The following SLFN12L variants were observed in gnomAD, a reference collection of about 807,000 sequenced individuals.
SLFN12L encodes schlafen family member 12 like, also known as schlafen family member 12-like.
Under a neutral mutation model 34.8 loss-of-function variants are expected in SLFN12L, and 34 were observed. That is an observed-to-expected ratio of 0.98 (90% CI 0.74 to 1.30). SLFN12L has a LOEUF of 1.30. Among genes scored for constraint, SLFN12L ranks in the 50% most tolerant of loss-of-function variants. SLFN12L has a pLI of 0.00. For synonymous variants in SLFN12L, 259 were observed against 247.5 expected, an observed-to-expected ratio of 1.05 and a Z score of -0.44; for missense variants, 703 against 696.2, an observed-to-expected ratio of 1.01 and a Z score of -0.11.
In SLFN12L at chr17:35,474,079, T is replaced by C. The variant is rs1445422084; in HGVS notation, c.*844A>G. The C allele has an allele frequency of 6.6e-6, 1 of 152,172 alleles. No homozygotes were observed. 9.4% of individuals were successfully genotyped at this position (152,172 alleles called of 1,614,324 possible). A position where few individuals can be genotyped will look rare whatever the true frequency, so the allele number is the denominator to read the frequency against. On this transcript the variant is annotated 3_prime_UTR_variant, in exon 5 of 5. Transcript: ENST00000628453. The stretch of plus-strand genomic sequence containing the variant: ...GACTACATGTGTGTGCCACCACACT[T>C]GGCTAATTTTTATATTTTTAGTAGA...
In SLFN12L at chr17:35,522,263, A is replaced by G. The variant is rs1231709350; in HGVS notation, c.86+16T>C. On this transcript the variant is annotated intron_variant, in intron 2 of 4. Transcript: ENST00000628453. ...AGATTAAATAATACTTAGAGACATA[A>G]GGTCCAACTGCTTACCTGATGAAAT... 1 of 1,613,732 alleles carries G rather than the reference A, an allele frequency of 6.2e-7. No individual in the cohort carries two copies. Among genetic ancestry groups the G allele is most frequent in the Non-Finnish European group, 8.5e-7 (1 of 1,179,782 alleles).
intron 2 of SLFN12L, among the ~76,000 whole-genome samples, chr17:35,516,180 C>T (rs1424778576): frequency 6.6e-6 from 1 of 152,146 alleles, no homozygotes; most frequent in Non-Finnish European, 1.5e-5. Context: ...TTGTCCTTCA[C>T]ATATCACTAC....
intron 2 of SLFN12L, chr17:35,498,170 G>C (rs1215304597): frequency 6.0e-6 from 4 of 664,816 alleles, no homozygotes; most frequent in African/African-American, 5.3e-5. Flanking sequence ...ATCTCGATCC[G>C]GGAGGCGGCG....
Position 35,522,687 on chromosome 17 carries a change from A to T in SLFN12L, c.-323T>A. On this transcript the variant is annotated 5_prime_UTR_variant, in exon 2 of 5. Coordinates refer to ENST00000628453, the MANE Select transcript of SLFN12L (RefSeq NM_001363830.2). ...CCTTGGCCCTGACACACACCTCCCC[A>T]GTGTAGCCCCCCATGTTCACCAGCT... is the stretch of plus-strand genomic sequence containing the variant. The T allele has an allele frequency of 6.2e-7, 1 of 1,614,016 alleles. No individual in the cohort carries two copies. The highest frequency in any genetic ancestry group is 1.1e-5 in the South Asian group (1 of 91,074).
At position 35,507,398 on chromosome 17, in the gene SLFN12L, C is replaced by T. The variant is rs529484422; in HGVS notation, c.86+14881G>A. ...ATCTTAGAAATAATCACTAATAAGA[C>T]TGGCAGAGCCTTGACTATTCTGGCC... On this transcript the variant is annotated intron_variant, in intron 2 of 4. Transcript: ENST00000628453. Among the ~76,000 whole-genome samples, 5 of 152,296 alleles carry T rather than the reference C, an allele frequency of 3.3e-5. No homozygotes were observed. The East Asian group carries it at 7.7e-4, about 23-fold the overall frequency.
At position 35,513,587 on chromosome 17, in the gene SLFN12L, C is replaced by T. The variant is rs568756126; in HGVS notation, c.86+8692G>A. On this transcript the variant is annotated intron_variant, in intron 2 of 4. Coordinates refer to ENST00000628453, the MANE Select transcript of SLFN12L (RefSeq NM_001363830.2). ...AGATGCCACCAAGTATCCTTACTGTCGTTCTGAAACTGAGTCTGTGACTGC... is the reference window on the plus strand; with the variant it reads ...AGATGCCACCAAGTATCCTTACTGTTGTTCTGAAACTGAGTCTGTGACTGC... 3.3e-5 allele frequency among the ~76,000 whole-genome samples: 5 copies of T among 152,274 alleles called. No individual in the cohort carries two copies. In the South Asian group the frequency reaches 8.3e-4, roughly 25 times the overall value.
In SLFN12L at chr17:35,479,215, A is replaced by T; in HGVS notation, c.1067T>A (p.Val356Glu). The T allele has an allele frequency of 6.3e-7, 1 of 1,586,734 alleles. No homozygotes were observed. Among genetic ancestry groups the T allele is most frequent in the Non-Finnish European group, 8.6e-7 (1 of 1,164,936 alleles). The change falls in exon 3 of 5, where the codon GTG (valine) becomes GAG (glutamate). Residue 356 changes from valine (V) to glutamate (E), a missense_variant. Coordinates refer to ENST00000628453, the MANE Select transcript of SLFN12L (RefSeq NM_001363830.2). ...ALRVERFCCA[V>E]FAKKPDSWHV... ...CCAGGAATCAGGCTTTTTAGCAAAC[A>T]CTGCACAGCAGAAGCGTTCCACTCT...
At chr17:35,525,267 C>G (rs1490559227) in intron 1 of SLFN12L, among the ~76,000 whole-genome samples, 1 of 152,112 alleles carries the variant, frequency 6.6e-6, no homozygotes, top group Non-Finnish European at 1.5e-5. Flanking sequence ...AGAATGGAAC[C>G]AATTTGGAAA....
At chr17:35,528,431 C>G (rs1177255432) in intron 1 of SLFN12L, among the ~76,000 whole-genome samples, 1 of 152,128 alleles carries the variant, frequency 6.6e-6, no homozygotes, top group Non-Finnish European at 1.5e-5. Flanking sequence ...ATCAAGCTAC[C>G]CTACTTCAAA....
intron 2 of SLFN12L, among the ~76,000 whole-genome samples, chr17:35,484,420 G>C (rs954326934): frequency 6.6e-6 from 1 of 152,170 alleles, no homozygotes; most frequent in Admixed American, 6.5e-5. Flanking sequence ...TCCTACCTTA[G>C]ACACTGAACC....
intron 2 of SLFN12L, among the ~76,000 whole-genome samples, chr17:35,503,354 T>A (rs1398264047): frequency 6.6e-6 from 1 of 152,186 alleles, no homozygotes; most frequent in East Asian, 1.9e-4. Flanking sequence ...AACCTGCTCT[T>A]TAACAAAGAT....
At chr17:35,534,935 T>C (rs1018007813) in intron 1 of SLFN12L, among the ~76,000 whole-genome samples, 4 of 152,150 alleles carry the variant, frequency 2.6e-5, no homozygotes, top group African/African-American at 9.7e-5. Flanking sequence ...ACAAAGGGCA[T>C]AGTAGGAAGG....
intron 2 of SLFN12L, among the ~76,000 whole-genome samples, chr17:35,518,592 A>C (rs1032002125): frequency 3.9e-5 from 6 of 151,968 alleles, no homozygotes; most frequent in Non-Finnish European, 8.8e-5. Context: ...AACAAACATG[A>C]AAAAAAGCTT....
chr17:35,530,818 C>T (rs138306698), intron 1 of SLFN12L, among the ~76,000 whole-genome samples: 4 of 152,234 alleles, frequency 2.6e-5, no homozygotes, highest in Admixed American at 2.0e-4. Flanking sequence ...TTTTCTTTTG[C>T]TTGACTATGC....
intron 1 of SLFN12L, among the ~76,000 whole-genome samples, chr17:35,530,498 A>G (rs188318828): frequency 2.6e-5 from 1 of 38,746 alleles, no homozygotes; most frequent in African/African-American, 7.0e-5. Context: ...GAAAGAAAGA[A>G]AGAAAGAAAG....
intron 1 of SLFN12L, among the ~76,000 whole-genome samples, chr17:35,528,890 A>G (rs2072363866): frequency 6.6e-6 from 1 of 152,232 alleles, no homozygotes; most frequent in South Asian, 2.1e-4. Flanking sequence ...AGAAACTAAC[A>G]TCAGAGTGAA....
In SLFN12L at chr17:35,469,304, A is replaced by AAT. The variant is rs200345778; in HGVS notation, c.*5617_*5618dup. Among the ~76,000 whole-genome samples, 22 of 139,302 alleles carry AAT rather than the reference A, an allele frequency of 1.6e-4. No individual in the cohort carries two copies. The highest frequency in any genetic ancestry group is 3.7e-4 in the Admixed American group (5 of 13,366). 91.4% of individuals were successfully genotyped at this position (139,302 alleles called of 152,430 possible). A position where few individuals can be genotyped will look rare whatever the true frequency, so the allele number is the denominator to read the frequency against. ...TTTTATATAAAATATATATATATAA[A>AAT]ATATATATATATTATATATATAAAT... is the stretch of plus-strand genomic sequence containing the variant. On this transcript the variant is annotated 3_prime_UTR_variant, in exon 5 of 5. Coordinates refer to ENST00000628453, the MANE Select transcript of SLFN12L (RefSeq NM_001363830.2).
intron 2 of SLFN12L, among the ~76,000 whole-genome samples, chr17:35,507,420 G>A (rs368943165): frequency 5.2e-4 from 79 of 152,208 alleles, no homozygotes; most frequent in African/African-American, 1.9e-3. Context: ...TGACTATTCT[G>A]GCCCAGCAAG....
At chr17:35,482,272 G>A (rs187909891) in intron 2 of SLFN12L, among the ~76,000 whole-genome samples, 1 of 152,360 alleles carries the variant, frequency 6.6e-6, no homozygotes, top group East Asian at 1.9e-4. Flanking sequence ...GGGCGTTTGG[G>A]AGGTGATTAG....
Sources: gnomAD v4.1 joint callset for allele counts (sites outside exome capture counted in the v4.1 genomes callset) on GRCh38, gnomAD v4.1.1 for gene constraint, MANE v1.5 for transcripts, NCBI Gene and HGNC (gene_info 2026-07-23, HGNC 2026-07-21) for gene names.